The following FSTL5 variants were observed in gnomAD, a reference collection of about 807,000 sequenced individuals.
FSTL5 encodes the protein follistatin-related protein 5.
FSTL5 carries 62 observed loss-of-function variants against 89.1 expected under a neutral mutation model. The ratio of observed to expected loss-of-function variants is 0.70; its 90% CI spans 0.57 to 0.86. FSTL5 has a LOEUF of 0.86. Ranked by LOEUF, FSTL5 falls within the 40% of genes least tolerant of loss-of-function variation. FSTL5 has a pLI of 0.00. For synonymous variants in FSTL5, 383 were observed against 346.2 expected, an observed-to-expected ratio of 1.11 and a Z score of -1.18; for missense variants, 1,057 against 1,001.6, an observed-to-expected ratio of 1.06 and a Z score of -0.75.
intron 1 of FSTL5, among the ~76,000 whole-genome samples, chr4:162,129,420 G>A (rs1004250174): frequency 3.9e-5 from 6 of 152,128 alleles, no homozygotes; most frequent in African/African-American, 1.4e-4. Flanking sequence ...TCTGCAAATT[G>A]TCATATTCTT....
At chr4:161,647,836 C>A (rs1464339456) in intron 7 of FSTL5, among the ~76,000 whole-genome samples, 2 of 152,018 alleles carry the variant, frequency 1.3e-5, no homozygotes, top group Non-Finnish European at 1.5e-5. Flanking sequence ...TTCCTAAAAC[C>A]ACCTGGCCTG....
intron 4 of FSTL5, among the ~76,000 whole-genome samples, chr4:161,838,070 T>A (rs1490909111): frequency 6.6e-6 from 1 of 152,156 alleles, no homozygotes; most frequent in African/African-American, 2.4e-5. Flanking sequence ...CAACAAGATA[T>A]ATCCAGAATT....
At chr4:161,513,050 A>T (rs1040650670) in intron 10 of FSTL5, among the ~76,000 whole-genome samples, 1 of 152,094 alleles carries the variant, frequency 6.6e-6, no homozygotes, top group African/African-American at 2.4e-5. Flanking sequence ...ATAAGCAGAG[A>T]TTGTTTCTGC....
intron 2 of FSTL5, among the ~76,000 whole-genome samples, chr4:162,057,592 T>C (rs1358577041): frequency 1.3e-5 from 2 of 152,188 alleles, no homozygotes; most frequent in African/African-American, 2.4e-5. Context: ...ATTCCTATCA[T>C]TGCTCTTTAA....
chr4:161,522,163 C>A (rs1462037677), intron 10 of FSTL5, among the ~76,000 whole-genome samples: 1 of 152,068 alleles, frequency 6.6e-6, no homozygotes, highest in Non-Finnish European at 1.5e-5. Context: ...GAAACAAGGG[C>A]AGAACAAACA....
At chr4:161,625,689 G>A (rs1209019883) in intron 7 of FSTL5, among the ~76,000 whole-genome samples, 1 of 152,094 alleles carries the variant, frequency 6.6e-6, no homozygotes, top group East Asian at 1.9e-4. Context: ...TAGAAATGAT[G>A]AAGGTAAGTG....
chr4:162,033,218 G>A (rs888255976), intron 3 of FSTL5, among the ~76,000 whole-genome samples: 1 of 152,052 alleles, frequency 6.6e-6, no homozygotes, highest in South Asian at 2.1e-4. Context: ...ATATGTTCTA[G>A]CCTTTTTGTA....
chr4:162,062,760 C>T (rs1040569747), intron 2 of FSTL5, among the ~76,000 whole-genome samples: 11 of 150,502 alleles, frequency 7.3e-5, no homozygotes, highest in African/African-American at 2.4e-4. Context: ...CACCTTTTTG[C>T]TCACTGTAAG....
chr4:161,861,193 C>T (rs887728013), intron 4 of FSTL5, among the ~76,000 whole-genome samples: 2 of 152,150 alleles, frequency 1.3e-5, no homozygotes, highest in South Asian at 2.1e-4. Context: ...GAGGCTGAGG[C>T]GAGTGGATCA....
At chr4:162,035,406 AT>A (rs1037488669) in intron 2 of FSTL5, 1 of 152,130 alleles carries the variant, frequency 6.6e-6, no homozygotes, top group African/African-American at 2.4e-5. Flanking sequence ...TGAGGTGAGC[AT>A]GATCCAAGCA....
chr4:161,713,456 T>C (rs1738867233), intron 6 of FSTL5, among the ~76,000 whole-genome samples: 1 of 152,202 alleles, frequency 6.6e-6, no homozygotes, highest in African/African-American at 2.4e-5. Context: ...GACTTTACTT[T>C]GAAAAGCTAA....
Position 161,455,119 on chromosome 4 carries a change from G to A in FSTL5, c.1726C>T (p.Leu576=). 2 of 1,607,218 alleles carry A rather than the reference G, an allele frequency of 1.2e-6. No individual in the cohort carries two copies. The highest frequency in any genetic ancestry group is 1.7e-6 in the Non-Finnish European group (2 of 1,177,288). Residue 576 remains leucine (L), a synonymous_variant, in exon 15 of 16, where the codon CTG becomes TTG. Coordinates refer to ENST00000306100, the MANE Select transcript of FSTL5 (RefSeq NM_020116.5). ...TGGTGAGGCACATTCCCACTGGCCA[G>A]GGTAATTACCTAAAGAGAACACACC... The part of the protein sequence containing the change: ...KTSPTLQVIT[L]ASGNVPHHTI...
intron 8 of FSTL5, among the ~76,000 whole-genome samples, chr4:161,570,041 T>C (rs925365228): frequency 7.9e-5 from 12 of 152,174 alleles, no homozygotes; most frequent in Non-Finnish European, 2.9e-5. Context: ...GCTGCCTCTT[T>C]AATATATACC....
chr4:162,040,967 A>T (rs113593441), intron 2 of FSTL5, among the ~76,000 whole-genome samples: 1 of 152,090 alleles, frequency 6.6e-6, no homozygotes, highest in Non-Finnish European at 1.5e-5. Context: ...AGCCCCTGCA[A>T]GAGTGGACAC....
chr4:161,446,731 T>C (rs1262204322), intron 15 of FSTL5, among the ~76,000 whole-genome samples: 1 of 152,048 alleles, frequency 6.6e-6, no homozygotes, highest in Non-Finnish European at 1.5e-5. Flanking sequence ...TGTAAGAAAA[T>C]GCTTAAATTC....
At chr4:161,726,227 C>CTTTTTTTTTTTTTTTTTTTTTTTT (rs5863477) in intron 6 of FSTL5, among the ~76,000 whole-genome samples, 12 of 113,674 alleles carry the variant, frequency 1.1e-4, no homozygotes, top group East Asian at 2.6e-4. Context: ...TTTTCTTTTT[C>CTTTTTTTTTTTTTTTTTTTTTTTT]TTTTTTTTTT....
intron 8 of FSTL5, among the ~76,000 whole-genome samples, chr4:161,558,583 T>C (rs977950423): frequency 2.0e-5 from 3 of 151,854 alleles, no homozygotes; most frequent in Non-Finnish European, 1.5e-5. Flanking sequence ...CCTCTGTTCC[T>C]GGTCCCTAGA....
intron 2 of FSTL5, among the ~76,000 whole-genome samples, chr4:162,091,633 T>C (rs943288219): frequency 6.6e-6 from 1 of 152,158 alleles, no homozygotes; most frequent in Non-Finnish European, 1.5e-5. Flanking sequence ...AAGGTTTCAT[T>C]TGTGGCCTGA....
intron 2 of FSTL5, among the ~76,000 whole-genome samples, chr4:162,091,079 A>C (rs1450898568): frequency 6.6e-6 from 1 of 152,148 alleles, no homozygotes; most frequent in East Asian, 1.9e-4. Context: ...TTGTGAATAT[A>C]AGTTTTGCCT....
Sources: allele counts gnomAD v4.1 joint callset (sites outside exome capture counted in the v4.1 genomes callset), GRCh38; gene constraint gnomAD v4.1.1; transcripts MANE v1.5; gene names NCBI Gene and HGNC (gene_info 2026-07-23, HGNC 2026-07-21).